SYCP2L: variants seen among roughly 807,000 people sequenced by gnomAD.
SYCP2L encodes synaptonemal complex protein 2-like.
In SYCP2L, 98 loss-of-function variants were observed where a neutral mutation model predicts 125.8. The ratio of observed to expected loss-of-function variants is 0.78; its 90% confidence interval spans 0.66 to 0.92. SYCP2L has a LOEUF of 0.92. Among genes scored for constraint, SYCP2L ranks in the 40% least tolerant of loss-of-function variants. SYCP2L has a pLI of 0.00. For synonymous variants in SYCP2L, 317 were observed against 325.4 expected, an observed-to-expected ratio of 0.97 and a Z score of 0.28; for missense variants, 842 against 936.4, an observed-to-expected ratio of 0.90 and a Z score of 1.32.
intron 5 of SYCP2L, among the ~76,000 whole-genome samples, chr6:10,898,374 G>A (rs570524035): frequency 1.3e-5 from 2 of 152,078 alleles, no homozygotes; most frequent in African/African-American, 4.8e-5. Context: ...TTCGCCGGGC[G>A]TGGTGGTGGG....
intron 14 of SYCP2L, among the ~76,000 whole-genome samples, chr6:10,924,176 A>G (rs139300988): frequency 2.0e-5 from 3 of 152,334 alleles, no homozygotes; most frequent in Non-Finnish European, 4.4e-5. Context: ...GTTGCAGATG[A>G]TAGCCTTGTA....
rs1781631223 is a variant in SYCP2L, at chr6:10,963,790, C to A, written c.2423C>A (p.Ser808Ter). 6.2e-7 allele frequency: 1 copy of A among 1,613,646 alleles called. No homozygotes were observed. Among genetic ancestry groups the A allele is most frequent in the Non-Finnish European group, 8.5e-7 (1 of 1,179,818 alleles). Reference sequence around the variant, plus strand: ...GGACCAATTTCTTCCAGGTTCAATTCAACTCAGACTTCATAAGAAAGCCAA... The same window carrying A: ...GGACCAATTTCTTCCAGGTTCAATTAAACTCAGACTTCATAAGAAAGCCAA... ...FCDLQVLRFN[S>*]TQTS Residue 808 changes from serine to a stop codon, truncating the protein, a stop_gained, in exon 29 of 30, where the codon TCA (serine) becomes TAA (stop). Transcript: ENST00000283141. LOFTEE classifies it high-confidence loss of function.
chr6:10,921,266 TA>T (rs1179125472), intron 14 of SYCP2L, among the ~76,000 whole-genome samples: 1 of 152,208 alleles, frequency 6.6e-6, no homozygotes, highest in Non-Finnish European at 1.5e-5. Context: ...ACATTTTCTT[TA>T]TCCAGTCTAT....
rs150082383 is a variant in SYCP2L, at chr6:10,950,967, A to AT, written c.1955-4139dup. On this transcript the variant is annotated intron_variant, in intron 23 of 29. Coordinates refer to ENST00000283141, the MANE Select transcript of SYCP2L (RefSeq NM_001040274.3). ...GAGCCACATGCCCAGCCAGAGGATAATTTTTTTTTTAAGATTTTGAATTTT... is the reference window on the plus strand; with the variant it reads ...GAGCCACATGCCCAGCCAGAGGATAATTTTTTTTTTTAAGATTTTGAATTTT... Among the ~76,000 whole-genome samples the AT allele has an allele frequency of 9.7e-3, 1,455 of 150,414 alleles. 9 individuals carry two copies. Among genetic ancestry groups the AT allele is most frequent in the Non-Finnish European group, 0.015 (1,000 of 67,420 alleles).
intron 26 of SYCP2L, among the ~76,000 whole-genome samples, chr6:10,959,885 G>A (rs200036282): frequency 1.4e-4 from 16 of 116,370 alleles, no homozygotes; most frequent in Middle Eastern, 3.9e-3. Flanking sequence ...AAAAAAAAAA[G>A]AAAGAAAGAA....
At chr6:10,921,084 A>G (rs141129737) in intron 14 of SYCP2L, among the ~76,000 whole-genome samples, 1 of 152,256 alleles carries the variant, frequency 6.6e-6, no homozygotes, top group African/African-American at 2.4e-5. Flanking sequence ...CAATGTGTCC[A>G]TGTGTTCTCA....
chr6:10,895,710 A>T (rs1162370734), intron 4 of SYCP2L, among the ~76,000 whole-genome samples: 1 of 151,966 alleles, frequency 6.6e-6, no homozygotes. Context: ...CACATCTCGA[A>T]CTCCCAACCT....
At chr6:10,972,736 C>T (rs1781796961) in intron 29 of SYCP2L, among the ~76,000 whole-genome samples, 1 of 152,130 alleles carries the variant, frequency 6.6e-6, no homozygotes, top group African/African-American at 2.4e-5. Flanking sequence ...CTGTGTTGCC[C>T]AGGCTGGTCT....
chr6:10,907,700 A>C lies in SYCP2L; in HGVS notation c.819+16A>C, dbSNP rs191140430. The C allele has an allele frequency of 2.5e-6, 4 of 1,610,174 alleles. No individual in the cohort carries two copies. Among genetic ancestry groups the C allele is most frequent in the Non-Finnish European group, 3.4e-6 (4 of 1,178,402 alleles). ...ATTTGAGACGGTGAGATTCCTGGCC[A>C]TGCGAATTTCTTATTAGCCAATATT... On this transcript the variant is annotated intron_variant, in intron 10 of 29. Coordinates refer to ENST00000283141, the MANE Select transcript of SYCP2L (RefSeq NM_001040274.3).
intron 1 of SYCP2L, 86 bp downstream of exon 1, chr6:10,887,221 C>A: frequency 1.3e-6 from 2 of 1,568,086 alleles, no homozygotes; most frequent in East Asian, 2.3e-5. Flanking sequence ...CAGGTTCTGC[C>A]GCCTTGAGGT....
rs144743659 is a variant in SYCP2L, at chr6:10,961,034, C to T, written c.2256-271C>T. 7.3e-3 allele frequency among the ~76,000 whole-genome samples: 1,094 copies of T among 149,956 alleles called. 16 individuals are homozygous for T. Among genetic ancestry groups the T allele is most frequent in the African/African-American group, 0.025 (1,022 of 40,620 alleles). On this transcript the variant is annotated intron_variant, in intron 26 of 29. Transcript: ENST00000283141. ...TGGAGGTTGCAATGAGCTGAGATCA[C>T]GCCATTGCACTGCAGCCTGGGCAAC...
Position 10,896,373 on chromosome 6 carries a change from A to G in SYCP2L, c.337-1638A>G, listed in dbSNP as rs1780258762. ...CTTCCTGTTCCCAAGTATTGATCAG[A>G]TAGTGCAGCCTTTCTGCCACTTCTG... is the stretch of plus-strand genomic sequence containing the variant. On this transcript the variant is annotated intron_variant, in intron 4 of 29. Transcript: ENST00000283141. Among the ~76,000 whole-genome samples the G allele has an allele frequency of 2.6e-5, 4 of 152,250 alleles. No homozygotes were observed. In the South Asian group the frequency reaches 8.3e-4, roughly 32 times the overall value.
At position 10,905,980 on chromosome 6, in the gene SYCP2L, T is replaced by G. The variant is rs563039807; in HGVS notation, c.642-40T>G. The G allele has an allele frequency of 1.6e-5, 23 of 1,446,062 alleles. No homozygotes were observed. The African/African-American group carries it at 3.0e-4, about 19-fold the overall frequency. The allele number at this position is 1,446,062 out of a possible 1,614,324, so 89.6% of individuals were successfully genotyped here. A position where few individuals can be genotyped will look rare whatever the true frequency, so the allele number is the denominator to read the frequency against. On this transcript the variant is annotated intron_variant, in intron 8 of 29. Coordinates refer to ENST00000283141, the MANE Select transcript of SYCP2L (RefSeq NM_001040274.3). ...AGTGTAGTAAAGTTTTACCTCTTGA[T>G]GTTCACTTCAGTTAAATGTGATTTA...
chr6:10,927,433 G>C, intron 17 of SYCP2L, 66 bp downstream of exon 17: 1 of 1,391,692 alleles, frequency 7.2e-7, no homozygotes, highest in South Asian at 1.2e-5. Flanking sequence ...GACTACAAAA[G>C]AGAGAAATTT....
intron 1 of SYCP2L, 79 bp downstream of exon 1, chr6:10,887,214 G>C: frequency 6.3e-7 from 1 of 1,593,534 alleles, no homozygotes; most frequent in South Asian, 1.1e-5. Context: ...TGGGGCTCAG[G>C]TTCTGCCGCC....
chr6:10,930,559 T>C (rs1349748990), intron 19 of SYCP2L, 45 bp downstream of exon 19: 2 of 1,570,182 alleles, frequency 1.3e-6, no homozygotes, highest in South Asian at 2.3e-5. Context: ...CAAATAGTGA[T>C]TTTCAAATCA....
intron 2 of SYCP2L, 143 bp from the exon 3 acceptor site, chr6:10,893,724 C>A: frequency 1.0e-6 from 1 of 965,688 alleles, no homozygotes; most frequent in African/African-American, 1.7e-5. Context: ...TGATTGTTTA[C>A]TATTCAAGAT....
At chr6:10,926,940 C>A (rs1780908056) in intron 16 of SYCP2L, among the ~76,000 whole-genome samples, 1 of 152,086 alleles carries the variant, frequency 6.6e-6, no homozygotes, top group African/African-American at 2.4e-5. Context: ...CCACCATGCC[C>A]AGCTAATTTT....
At chr6:10,909,971 C>T (rs1780576780) in intron 10 of SYCP2L, among the ~76,000 whole-genome samples, 177 bp from the exon 11 acceptor site, 3 of 152,198 alleles carry the variant, frequency 2.0e-5, no homozygotes, top group Admixed American at 2.0e-4. Context: ...ATCCTGGAGC[C>T]TCCTCTTTGT....
Sources: allele counts gnomAD v4.1 joint callset (sites outside exome capture counted in the v4.1 genomes callset), GRCh38; gene constraint gnomAD v4.1.1; transcripts MANE v1.5; gene names NCBI Gene and HGNC (gene_info 2026-07-23, HGNC 2026-07-21).